HTR2C: variants seen among roughly 807,000 people sequenced by gnomAD.
HTR2C encodes 5-hydroxytryptamine receptor 2C.
Under a neutral mutation model 21.0 loss-of-function variants are expected in HTR2C, and 5 were observed. The ratio of observed to expected loss-of-function variants is 0.24; its 90% CI spans 0.12 to 0.50. The LOEUF (loss-of-function observed/expected upper bound fraction) is 0.50, where lower values mean the gene tolerates loss of function less well. Among genes scored for constraint, HTR2C ranks in the 20% least tolerant of loss-of-function variants. The pLI, the probability that HTR2C is intolerant of heterozygous loss-of-function variation, is 0.98. For synonymous variants in HTR2C, 150 were observed against 145.3 expected, an observed-to-expected ratio of 1.03 and a Z score of -0.23; for missense variants, 271 against 371.2, an observed-to-expected ratio of 0.73 and a Z score of 2.22.
chrX:114,746,842 G>A (rs1569490644), intron 4 of HTR2C, among the ~76,000 whole-genome samples: 1 of 111,148 alleles, frequency 9.0e-6, no homozygotes, highest in East Asian at 2.8e-4. Flanking sequence ...AAAATTAGCC[G>A]GGCATGGTGG....
At chrX:114,652,548 C>T (rs939029706) in intron 2 of HTR2C, 33 of 294,058 alleles carry the variant, frequency 1.1e-4, no homozygotes, top group African/African-American at 4.6e-4. Flanking sequence ...AGAAATATTG[C>T]GGCATTTTCT....
chrX:114,853,469 T>G (rs2070936119), intron 5 of HTR2C, among the ~76,000 whole-genome samples: 1 of 111,702 alleles, frequency 9.0e-6, no homozygotes, highest in Non-Finnish European at 1.9e-5. Context: ...ATCACACATA[T>G]TTTTCTCATT....
chrX:114,680,795 G>C (rs1351787003), intron 2 of HTR2C, among the ~76,000 whole-genome samples: 1 of 111,563 alleles, frequency 9.0e-6, no homozygotes, highest in Non-Finnish European at 1.9e-5. Flanking sequence ...GCATATTTTA[G>C]GGTGGCATAT....
At chrX:114,873,198 C>G (rs908378252) in intron 5 of HTR2C, among the ~76,000 whole-genome samples, 5 of 111,594 alleles carry the variant, frequency 4.5e-5, no homozygotes, top group Non-Finnish European at 7.6e-5. Flanking sequence ...ATATTTATAG[C>G]TTTTCTATAC....
intron 4 of HTR2C, among the ~76,000 whole-genome samples, chrX:114,802,698 CTT>C (rs1242831926): frequency 2.1e-5 from 2 of 93,238 alleles, no homozygotes; most frequent in African/African-American, 8.0e-5. Context: ...TTCTTTCTTT[CTT>C]TCTTTCTTTC....
rs1009491424 is a variant in HTR2C at position 114,909,626 on chromosome X, C to T, written c.*2211C>T. On this transcript the variant is annotated 3_prime_UTR_variant, in exon 6 of 6. Transcript: ENST00000276198. Reference sequence around the variant, plus strand: ...AGTTGAATGATAATAGCTCACAGCACATTTGTTAATGATTCTTGTGTCATC... The same window carrying T: ...AGTTGAATGATAATAGCTCACAGCATATTTGTTAATGATTCTTGTGTCATC... 8.0e-5 allele frequency: 9 copies of T among 112,566 alleles called. No homozygotes were observed. Among genetic ancestry groups the T allele is most frequent in the African/African-American group, 2.9e-4 (9 of 30,912 alleles). 9.3% of individuals were successfully genotyped at this position (112,566 alleles called of 1,213,427 possible).
chrX:114,869,124 G>C (rs1263967176), intron 5 of HTR2C, among the ~76,000 whole-genome samples: 1 of 111,075 alleles, frequency 9.0e-6, no homozygotes, highest in African/African-American at 3.3e-5. Flanking sequence ...AGTTTGCTGA[G>C]AATGATGGTT....
intron 4 of HTR2C, among the ~76,000 whole-genome samples, chrX:114,767,505 A>G (rs1259303006): frequency 4.5e-5 from 5 of 110,189 alleles, no homozygotes; most frequent in Non-Finnish European, 9.5e-5. Context: ...CCCATATTTT[A>G]CTTTAACCCC....
At chrX:114,613,395 G>A (rs1211150275) in intron 1 of HTR2C, among the ~76,000 whole-genome samples, 2 of 111,402 alleles carry the variant, frequency 1.8e-5, no homozygotes, top group Non-Finnish European at 3.8e-5. Context: ...CAGTGAGGAC[G>A]ACCAGAGGTC....
At chrX:114,590,381 G>C (rs781807245) in intron 1 of HTR2C, among the ~76,000 whole-genome samples, 5 of 112,067 alleles carry the variant, frequency 4.5e-5, no homozygotes, top group Non-Finnish European at 9.4e-5. Flanking sequence ...GAGAAGTCCA[G>C]TACTGTGGTA....
chrX:114,690,033 A>T (rs1475653498), intron 2 of HTR2C, among the ~76,000 whole-genome samples: 3 of 111,806 alleles, frequency 2.7e-5, no homozygotes, highest in African/African-American at 9.7e-5. Context: ...AGGAACAGCA[A>T]TGCTGAAACT....
chrX:114,596,876 G>T (rs188340436), intron 1 of HTR2C, among the ~76,000 whole-genome samples: 1 of 111,347 alleles, frequency 9.0e-6, no homozygotes, highest in Admixed American at 9.6e-5. Flanking sequence ...CTCTTGATCT[G>T]TCTGAGTAAT....
chrX:114,866,801 G>A (rs188624372), intron 5 of HTR2C, among the ~76,000 whole-genome samples: 186 of 111,481 alleles, frequency 1.7e-3, no homozygotes, highest in Non-Finnish European at 3.0e-3. Flanking sequence ...ATGATCTCCA[G>A]TTCCATCCAT....
intron 4 of HTR2C, among the ~76,000 whole-genome samples, chrX:114,822,004 C>T (rs2070638315): frequency 9.3e-6 from 1 of 107,081 alleles, no homozygotes; most frequent in Non-Finnish European, 1.9e-5. Context: ...GCAACATCAC[C>T]CCTAGATAAT....
At chrX:114,901,022 A>G (rs2071333556) in intron 5 of HTR2C, among the ~76,000 whole-genome samples, 2 of 112,438 alleles carry the variant, frequency 1.8e-5, no homozygotes, top group South Asian at 7.3e-4. Context: ...TGATCTTTCC[A>G]GAAGATGTCA....
intron 2 of HTR2C, among the ~76,000 whole-genome samples, chrX:114,724,514 C>T (rs1466652893): frequency 4.8e-5 from 4 of 83,461 alleles, no homozygotes; most frequent in African/African-American, 1.6e-4. Flanking sequence ...AGTCCATTTA[C>T]ATTTAAAGTT....
chrX:114,809,164 A>G (rs782619810), intron 4 of HTR2C, among the ~76,000 whole-genome samples: 15 of 110,950 alleles, frequency 1.4e-4, no homozygotes, highest in African/African-American at 4.6e-4. Context: ...TTAGGAATCT[A>G]CCTGGTGCTC....
chrX:114,823,876 ATATT>A (rs1556457288), intron 4 of HTR2C, among the ~76,000 whole-genome samples: 3 of 111,829 alleles, frequency 2.7e-5, no homozygotes, highest in Non-Finnish European at 5.6e-5. Flanking sequence ...ATAGTTGGGC[ATATT>A]TATTTAGGCT....
chrX:114,791,134 G>T (rs1006178881), intron 4 of HTR2C, among the ~76,000 whole-genome samples: 1 of 112,779 alleles, frequency 8.9e-6, no homozygotes, highest in African/African-American at 3.2e-5. Context: ...CGCCATGAGC[G>T]CATCAACCAA....
Sources: gnomAD v4.1 joint callset for allele counts (sites outside exome capture counted in the v4.1 genomes callset) on GRCh38, gnomAD v4.1.1 for gene constraint, MANE v1.5 for transcripts, NCBI Gene and HGNC (gene_info 2026-07-23, HGNC 2026-07-21) for gene names.